Variants in NTM observed in about 807,000 individuals in gnomAD.
NTM encodes IgLON family member 2.
In NTM, 13 loss-of-function variants were observed where a neutral mutation model predicts 42.1. That is an observed-to-expected ratio of 0.31 (90% CI 0.20 to 0.49). NTM has a LOEUF of 0.49. Ranked by LOEUF, NTM falls within the 20% of genes least tolerant of loss-of-function variation. The probability of loss-of-function intolerance (pLI) is 0.99; values close to 1 mark genes in which losing one functional copy is unlikely to be tolerated. For missense variants in NTM, 373 were observed against 452.8 expected, an observed-to-expected ratio of 0.82 and a Z score of 1.60; for synonymous variants, 187 against 179.2, an observed-to-expected ratio of 1.04 and a Z score of -0.35.
intron 1 of NTM, among the ~76,000 whole-genome samples, chr11:131,465,308 C>A (rs929696170): frequency 1.3e-5 from 2 of 152,174 alleles, no homozygotes; most frequent in Non-Finnish European, 2.9e-5. Flanking sequence ...TGGTTGGCCC[C>A]ACACACGTAC....
At chr11:131,617,145 C>T (rs2062022268) in intron 1 of NTM, among the ~76,000 whole-genome samples, 1 of 151,990 alleles carries the variant, frequency 6.6e-6, no homozygotes, top group South Asian at 2.1e-4. Context: ...TCAGGGTTCC[C>T]TCGGTCCTTC....
chr11:132,077,596 G>A (rs779128592), intron 2 of NTM, among the ~76,000 whole-genome samples: 1 of 152,186 alleles, frequency 6.6e-6, no homozygotes, highest in Non-Finnish European at 1.5e-5. Flanking sequence ...GAGACTAAGT[G>A]TCTTCTCAAA....
intron 1 of NTM, chr11:131,794,766 A>G (rs1365687121): frequency 3.0e-6 from 3 of 984,944 alleles, no homozygotes; most frequent in Non-Finnish European, 3.6e-6. Flanking sequence ...TGAGCTCCAC[A>G]CACCATGTGA....
chr11:131,956,394 T>A (rs1443153209), intron 2 of NTM, among the ~76,000 whole-genome samples: 4 of 152,080 alleles, frequency 2.6e-5, no homozygotes, highest in South Asian at 2.1e-4. Context: ...GATGATGAGC[T>A]TGATGTTTGG....
intron 1 of NTM, among the ~76,000 whole-genome samples, chr11:131,376,435 C>T (rs1301858107): frequency 6.6e-6 from 1 of 152,164 alleles, no homozygotes; most frequent in African/African-American, 2.4e-5. Flanking sequence ...ATCTCCCCTA[C>T]TTAAGTCATA....
At chr11:132,047,155 C>T (rs1259814821) in intron 2 of NTM, among the ~76,000 whole-genome samples, 1 of 152,210 alleles carries the variant, frequency 6.6e-6, no homozygotes, top group Non-Finnish European at 1.5e-5. Context: ...GTCTTCTGTG[C>T]CCCCATGGGC....
chr11:131,574,917 ATCC>A (rs1415480486), intron 1 of NTM, among the ~76,000 whole-genome samples: 1 of 151,978 alleles, frequency 6.6e-6, no homozygotes, highest in Non-Finnish European at 1.5e-5. Context: ...AATAGCAGCA[ATCC>A]TCCTGATTTG....
At chr11:131,527,037 G>A (rs1224598342) in intron 1 of NTM, among the ~76,000 whole-genome samples, 1 of 152,168 alleles carries the variant, frequency 6.6e-6, no homozygotes, top group Non-Finnish European at 1.5e-5. Context: ...TCTAGTCCGA[G>A]CAATGACAAG....
At chr11:131,594,057 C>T (rs1374731694) in intron 1 of NTM, among the ~76,000 whole-genome samples, 1 of 152,174 alleles carries the variant, frequency 6.6e-6, no homozygotes. Flanking sequence ...TTCTGAGGAA[C>T]ATGGATGATT....
At chr11:131,437,874 G>A (rs1372314157) in intron 1 of NTM, among the ~76,000 whole-genome samples, 4 of 152,192 alleles carry the variant, frequency 2.6e-5, no homozygotes, top group African/African-American at 2.4e-5. Context: ...TTTCTTCCTA[G>A]CATTGATGGT....
chr11:132,300,260 G>T (rs1474001730), intron 4 of NTM, among the ~76,000 whole-genome samples: 1 of 152,170 alleles, frequency 6.6e-6, no homozygotes, highest in African/African-American at 2.4e-5. Context: ...AATTAGGGTT[G>T]CAGTAAAAAT....
chr11:132,215,863 TCA>T (rs2083746820), intron 4 of NTM, among the ~76,000 whole-genome samples: 2 of 152,170 alleles, frequency 1.3e-5, no homozygotes, highest in Non-Finnish European at 2.9e-5. Context: ...AGCCCCCATC[TCA>T]CTCCTCTCAC....
At chr11:132,032,251 G>C (rs1023532136) in intron 2 of NTM, among the ~76,000 whole-genome samples, 2 of 152,094 alleles carry the variant, frequency 1.3e-5, no homozygotes, top group Admixed American at 1.3e-4. Context: ...TCTTCCTGCT[G>C]TTCTGTGATG....
intron 1 of NTM, among the ~76,000 whole-genome samples, chr11:131,568,777 T>C (rs2057149927): frequency 6.6e-6 from 1 of 152,200 alleles, no homozygotes; most frequent in Admixed American, 6.5e-5. Context: ...AAGTCAGCCT[T>C]GCTAATTAGA....
chr11:131,793,357 G>A (rs2091184304), intron 1 of NTM, among the ~76,000 whole-genome samples: 1 of 152,158 alleles, frequency 6.6e-6, no homozygotes, highest in Admixed American at 6.5e-5. Flanking sequence ...CCTATCCTCA[G>A]CACTTAATAT....
At chr11:131,377,728 T>C (rs901294261) in intron 1 of NTM, among the ~76,000 whole-genome samples, 7 of 152,332 alleles carry the variant, frequency 4.6e-5, no homozygotes, top group Middle Eastern at 3.4e-3. Flanking sequence ...AATCCATGGA[T>C]TGTGTTTGCA....
rs557927087 is a variant in NTM, at chr11:131,978,143, T to C, written c.167+66495T>C. Among the ~76,000 whole-genome samples, 17 of 152,194 alleles carry C rather than the reference T, an allele frequency of 1.1e-4. No homozygotes were observed. The South Asian group carries it at 3.5e-3, about 32-fold the overall frequency. The stretch of plus-strand genomic sequence containing the variant: ...AGCGCATATCATCTATTCAGTGAGA[T>C]AAAAAGGCTGCTTCAAAACTAAAGG... On this transcript the variant is annotated intron_variant, in intron 2 of 8. Transcript: ENST00000683400.
chr11:131,647,350 C>T (rs1249567070), intron 1 of NTM, among the ~76,000 whole-genome samples: 5 of 152,174 alleles, frequency 3.3e-5, no homozygotes, highest in South Asian at 2.1e-4. Context: ...TTAAAGAGTG[C>T]CAGGCATGGA....
rs2070031991 is a variant in NTM, at chr11:132,003,836, A to G, written c.167+92188A>G. ...CAGCTTCATTGAGATGTTGTTTAAA[A>G]TTGATTTCTCACCTAGCCACACAGA... On this transcript the variant is annotated intron_variant, in intron 2 of 8. Transcript: ENST00000683400. The surrounding 1 kb of genome is among the most constrained non-coding windows in gnomAD (Gnocchi z 6.0). 6.6e-6 allele frequency among the ~76,000 whole-genome samples: 1 copy of G among 152,204 alleles called. No individual in the cohort carries two copies. Among genetic ancestry groups the G allele is most frequent in the South Asian group, 2.1e-4 (1 of 4,824 alleles).
Sources: gnomAD v4.1 joint callset for allele counts (sites outside exome capture counted in the v4.1 genomes callset) on GRCh38, gnomAD v4.1.1 for gene constraint, Gnocchi (gnomAD v3.1) non-coding constraint, MANE v1.5 for transcripts, NCBI Gene and HGNC (gene_info 2026-07-23, HGNC 2026-07-21) for gene names.